Variants in RAP1B observed in about 807,000 individuals in gnomAD.
RAP1B encodes the protein RAP1B, member of RAS oncogene family, also known as ras-related protein Rap-1b.
In RAP1B, 1 loss-of-function variant was observed where a neutral mutation model predicts 27.5. That is an observed-to-expected ratio of 0.04 (90% CI 0.01 to 0.17). The LOEUF (loss-of-function observed/expected upper bound fraction) is 0.17. Among genes scored for constraint, RAP1B ranks in the 10% least tolerant of loss-of-function variants. RAP1B has a pLI of 1.00. For synonymous variants in RAP1B, 75 were observed against 73.1 expected, an observed-to-expected ratio of 1.03 and a Z score of -0.13; for missense variants, 84 against 214.8, an observed-to-expected ratio of 0.39 and a Z score of 3.81.
At chr12:68,632,526 A>G (rs7953288) in intron 1 of RAP1B, among the ~76,000 whole-genome samples, 7,902 of 152,188 alleles carry the variant, frequency 0.052, 668 homozygotes, top group African/African-American at 0.18. Flanking sequence ...AAATGTAAAG[A>G]TCAGATTCAG....
At chr12:68,633,442 C>G (rs1872407990) in intron 1 of RAP1B, among the ~76,000 whole-genome samples, 1 of 152,222 alleles carries the variant, frequency 6.6e-6, no homozygotes, top group African/African-American at 2.4e-5. Context: ...GACCCTGCTT[C>G]ATTGTGAGCT....
Position 68,671,285 on chromosome 12 carries a change from G to C in RAP1B, c.*12036G>C, listed in dbSNP as rs1450192464. 1 of 152,090 alleles carries C rather than the reference G, an allele frequency of 6.6e-6. No homozygotes were observed. The highest frequency in any genetic ancestry group is 1.9e-4 in the East Asian group (1 of 5,188). The allele number at this position is 152,090 out of a possible 1,614,324, so 9.4% of individuals were successfully genotyped here. ...ATTGCTGATGGAAATGTGCATTGTA[G>C]AGCTGATATCTGTTCAAATTAAATA... is the stretch of plus-strand genomic sequence containing the variant. On this transcript the variant is annotated 3_prime_UTR_variant, in exon 8 of 8. Coordinates refer to ENST00000250559, the MANE Select transcript of RAP1B (RefSeq NM_001010942.3).
At chr12:68,654,352 G>T in intron 5 of RAP1B, 100 bp downstream of exon 5, 1 of 222,162 alleles carries the variant, frequency 4.5e-6, no homozygotes, top group South Asian at 7.9e-5. Flanking sequence ...TATTTTGGTT[G>T]GGGGGGGGGT....
intron 1 of RAP1B, among the ~76,000 whole-genome samples, chr12:68,634,039 A>G (rs1346482401): frequency 1.3e-5 from 2 of 152,218 alleles, no homozygotes; most frequent in Admixed American, 6.5e-5. Flanking sequence ...AGAAATACCA[A>G]GGTAGAATGA....
At chr12:68,621,115 T>G (rs1871355297) in intron 1 of RAP1B, among the ~76,000 whole-genome samples, 1 of 152,148 alleles carries the variant, frequency 6.6e-6, no homozygotes, top group African/African-American at 2.4e-5. Context: ...AGAAAAAGGT[T>G]TAGGGAAGGA....
chr12:68,659,505 T>C lies in RAP1B; in HGVS notation c.*256T>C. On this transcript the variant is annotated 3_prime_UTR_variant, in exon 8 of 8. Coordinates refer to ENST00000250559, the MANE Select transcript of RAP1B (RefSeq NM_001010942.3). ...TAAAACCAGAGGCTACATCCAGTAT[T>C]ACTGCTAAGAGACATTCTTCATCCA... is the stretch of plus-strand genomic sequence containing the variant. The C allele has an allele frequency of 3.0e-6, 1 of 333,120 alleles. No individual in the cohort carries two copies. The highest frequency in any genetic ancestry group is 5.9e-6 in the Non-Finnish European group (1 of 169,764). 20.6% of individuals were successfully genotyped at this position (333,120 alleles called of 1,614,324 possible).
intron 1 of RAP1B, among the ~76,000 whole-genome samples, chr12:68,636,743 GTC>G (rs1462611704): frequency 6.6e-6 from 1 of 151,900 alleles, no homozygotes; most frequent in East Asian, 1.9e-4. Flanking sequence ...TTGAGACGGA[GTC>G]TCTGTTCAAG....
intron 1 of RAP1B, among the ~76,000 whole-genome samples, chr12:68,622,546 G>T (rs997734863): frequency 6.6e-6 from 1 of 152,020 alleles, no homozygotes; most frequent in Non-Finnish European, 1.5e-5. Context: ...TTCTGCCTCA[G>T]TCTCAACAGT....
chr12:68,632,125 A>ATTTTTTTTTTTTTTT (rs1211565843), intron 1 of RAP1B, among the ~76,000 whole-genome samples: 2 of 107,140 alleles, frequency 1.9e-5, no homozygotes, highest in African/African-American at 9.2e-5. Context: ...TGGGTTTTGG[A>ATTTTTTTTTTTTTTT]TTTGTTTTTT....
intron 5 of RAP1B, 82 bp downstream of exon 5, chr12:68,654,334 A>T: frequency 1.2e-5 from 4 of 327,356 alleles, no homozygotes; most frequent in Non-Finnish European, 9.9e-6. Context: ...TTCATTTTAA[A>T]GCTTGTGTAT....
rs1391968976 is a variant in RAP1B, at chr12:68,663,960, CATATAT to C, written c.*4715_*4720del. ...TTTAGAAAAGTGAGCTGTCATTTTT[CATATAT>C]ATAAATTTTTTTATTCATAGGTAAT... On this transcript the variant is annotated 3_prime_UTR_variant, in exon 8 of 8. Transcript: ENST00000250559. The C allele has an allele frequency of 2.6e-5, 4 of 152,196 alleles. No homozygotes were observed. Among genetic ancestry groups the C allele is most frequent in the African/African-American group, 9.6e-5 (4 of 41,538 alleles). The allele number at this position is 152,196 out of a possible 1,614,324, so 9.4% of individuals were successfully genotyped here. A position where few individuals can be genotyped will look rare whatever the true frequency, so the allele number is the denominator to read the frequency against.
intron 1 of RAP1B, among the ~76,000 whole-genome samples, chr12:68,625,872 A>G (rs1258800084): frequency 1.9e-4 from 29 of 152,202 alleles, no homozygotes; most frequent in Admixed American, 1.9e-3. Context: ...CAGTGAGCCA[A>G]GATCGTGCCG....
At position 68,628,472 on chromosome 12, in the gene RAP1B, A is replaced by G. The variant is rs553702111; in HGVS notation, c.-27+17429A>G. On this transcript the variant is annotated intron_variant, in intron 1 of 7. Transcript: ENST00000250559. ...TGGTATTTTTTAATGACTTATTTTT[A>G]TATGTAAATGTGATTTGTATAACTT... 1.1e-3 allele frequency among the ~76,000 whole-genome samples: 175 copies of G among 152,278 alleles called. 1 individual carries two copies. The highest frequency in any genetic ancestry group is 2.1e-3 in the Non-Finnish European group (144 of 68,022).
chr12:68,648,607 T>G, intron 1 of RAP1B, 92 bp from the exon 2 acceptor site: 1 of 1,055,302 alleles, frequency 9.5e-7, no homozygotes, highest in Non-Finnish European at 1.4e-6. Flanking sequence ...TCATTTTAAA[T>G]AAATCTATTT....
intron 2 of RAP1B, 199 bp from the exon 3 acceptor site, chr12:68,650,201 T>C: frequency 2.5e-6 from 1 of 398,766 alleles, no homozygotes; most frequent in Non-Finnish European, 4.4e-6. Context: ...ATAAGGAGCA[T>C]AGTGATTATT....
intron 4 of RAP1B, among the ~76,000 whole-genome samples, chr12:68,652,957 C>G (rs1247514901): frequency 6.6e-6 from 1 of 152,114 alleles, no homozygotes; most frequent in Non-Finnish European, 1.5e-5. Context: ...GCCTTGTAAT[C>G]CCAGCACTTT....
At chr12:68,657,072 T>A (rs768823042) in intron 6 of RAP1B, 29 bp from the exon 7 acceptor site, 2 of 1,582,706 alleles carry the variant, frequency 1.3e-6, no homozygotes, top group South Asian at 2.2e-5. Context: ...GTTCCTCCTG[T>A]AAATTAAAAC....
At chr12:68,621,426 C>CT (rs1177470008) in intron 1 of RAP1B, 1 of 152,118 alleles carries the variant, frequency 6.6e-6, no homozygotes, top group East Asian at 1.9e-4. Context: ...CTTGTTTATA[C>CT]TTGTGTTTTT....
At chr12:68,658,584 A>G (rs1247181480) in intron 7 of RAP1B, among the ~76,000 whole-genome samples, 1 of 152,280 alleles carries the variant, frequency 6.6e-6, no homozygotes, top group Non-Finnish European at 1.5e-5. Context: ...TTCAAAGTAC[A>G]TATTTAACAA....
Sources: gnomAD v4.1 joint callset for allele counts (sites outside exome capture counted in the v4.1 genomes callset) on GRCh38, gnomAD v4.1.1 for gene constraint, MANE v1.5 for transcripts, NCBI Gene and HGNC (gene_info 2026-07-23, HGNC 2026-07-21) for gene names.